The following ARHGAP10 variants were observed in gnomAD, a reference collection of about 807,000 sequenced individuals.
ARHGAP10 encodes the protein rho GTPase-activating protein 10.
Under a neutral mutation model 108.6 loss-of-function variants are expected in ARHGAP10, and 87 were observed. The ratio of observed to expected loss-of-function variants is 0.80; its 90% CI spans 0.67 to 0.96. The LOEUF (loss-of-function observed/expected upper bound fraction) is 0.96. Ranked by LOEUF, ARHGAP10 falls within the 40% of genes least tolerant of loss-of-function variation. The pLI, the probability that ARHGAP10 is intolerant of heterozygous loss-of-function variation, is 0.00. For synonymous variants in ARHGAP10, 347 were observed against 341.1 expected (o/e 1.02, Z -0.19); for missense variants, 939 against 954.5 (o/e 0.98, Z 0.21).
chr4:147,887,876 T>A (rs1277629059), intron 10 of ARHGAP10, among the ~76,000 whole-genome samples: 11 of 145,260 alleles, frequency 7.6e-5, no homozygotes, highest in Middle Eastern at 3.4e-3. Flanking sequence ...AAAAAAAAAA[T>A]TTTTTTTTTC....
intron 1 of ARHGAP10, among the ~76,000 whole-genome samples, chr4:147,822,303 A>T (rs1234084482): frequency 6.6e-6 from 1 of 152,164 alleles, no homozygotes; most frequent in Non-Finnish European, 1.5e-5. Flanking sequence ...TGGGCTTTTG[A>T]GTTCCTTATG....
intron 1 of ARHGAP10, among the ~76,000 whole-genome samples, chr4:147,803,861 A>C (rs750038914): frequency 3.3e-5 from 5 of 151,902 alleles, no homozygotes; most frequent in Non-Finnish European, 7.4e-5. Flanking sequence ...AGTTAATTCT[A>C]TGTTTTGGCT....
At chr4:147,854,728 A>C (rs573217514) in intron 4 of ARHGAP10, 1 of 984,758 alleles carries the variant, frequency 1.0e-6, no homozygotes, top group South Asian at 4.7e-5. Context: ...AATGACATTA[A>C]GAACAAATGC....
chr4:147,823,541 C>T (rs1732590463), intron 3 of ARHGAP10, among the ~76,000 whole-genome samples: 1 of 152,004 alleles, frequency 6.6e-6, no homozygotes, highest in Non-Finnish European at 1.5e-5. Context: ...GTGGATTGCA[C>T]AAGCTCAGGA....
chr4:147,884,036 A>T (rs1735443312), intron 10 of ARHGAP10, among the ~76,000 whole-genome samples: 1 of 152,188 alleles, frequency 6.6e-6, no homozygotes, highest in South Asian at 2.1e-4. Context: ...GTCTCTGCAG[A>T]TTACCATATA....
intron 1 of ARHGAP10, among the ~76,000 whole-genome samples, chr4:147,751,392 C>G (rs1265689774): frequency 6.7e-6 from 1 of 149,754 alleles, no homozygotes; most frequent in Non-Finnish European, 1.5e-5. Flanking sequence ...GAGACAGAGT[C>G]TTGTTCTTCC....
chr4:147,969,324 C>CTTTTT (rs61078731), intron 18 of ARHGAP10, among the ~76,000 whole-genome samples: 3 of 93,872 alleles, frequency 3.2e-5, no homozygotes, highest in Non-Finnish European at 6.4e-5. Flanking sequence ...TTTGTTTTGC[C>CTTTTT]TTTTTTTTTT....
At chr4:147,968,073 G>T (rs1276839406) in intron 18 of ARHGAP10, among the ~76,000 whole-genome samples, 6 of 152,168 alleles carry the variant, frequency 3.9e-5, no homozygotes, top group Non-Finnish European at 8.8e-5. Flanking sequence ...GTTAGAGCTG[G>T]CCCATGGCAG....
chr4:147,997,662 G>T (rs1031946935), intron 18 of ARHGAP10, among the ~76,000 whole-genome samples: 1 of 152,104 alleles, frequency 6.6e-6, no homozygotes, highest in Non-Finnish European at 1.5e-5. Flanking sequence ...TAAAACAACA[G>T]AATTTTTTTT....
intron 3 of ARHGAP10, among the ~76,000 whole-genome samples, chr4:147,837,716 C>A (rs1445374820): frequency 7.4e-6 from 1 of 134,676 alleles, no homozygotes; most frequent in Non-Finnish European, 1.5e-5. Flanking sequence ...ATTAGTGGAA[C>A]CCTAGCTAGG....
At chr4:147,839,148 C>T (rs1173703983) in intron 3 of ARHGAP10, among the ~76,000 whole-genome samples, 2 of 149,914 alleles carry the variant, frequency 1.3e-5, no homozygotes, top group African/African-American at 5.0e-5. Flanking sequence ...ATCTATCTGT[C>T]TGTCTGTCTA....
At chr4:147,791,424 T>C (rs1444605693) in intron 1 of ARHGAP10, among the ~76,000 whole-genome samples, 1 of 151,910 alleles carries the variant, frequency 6.6e-6, no homozygotes, top group African/African-American at 2.4e-5. Flanking sequence ...TTCTGTACTT[T>C]AGGAGGAAAA....
In ARHGAP10 at chr4:148,054,388, G is replaced by A. The variant is rs545207773; in HGVS notation, c.2027+7337G>A. Reference sequence around the variant, plus strand: ...CATCTGCCCCTCTGGGCCGGGGTGAGGTTTCCAGATACCACATGTAATAAA... The same window carrying A: ...CATCTGCCCCTCTGGGCCGGGGTGAAGTTTCCAGATACCACATGTAATAAA... On this transcript the variant is annotated intron_variant, in intron 20 of 22. Transcript: ENST00000336498. 4.6e-5 allele frequency among the ~76,000 whole-genome samples: 7 copies of A among 152,344 alleles called. No individual in the cohort carries two copies. In the East Asian group the frequency reaches 1.3e-3, roughly 29 times the overall value.
chr4:147,841,662 G>A (rs535764794), intron 3 of ARHGAP10, among the ~76,000 whole-genome samples: 1 of 152,234 alleles, frequency 6.6e-6, no homozygotes, highest in African/African-American at 2.4e-5. Flanking sequence ...GGAAATTCTT[G>A]TTGCTCAGTT....
rs188370881 is a variant in ARHGAP10, at chr4:147,754,677, A to G, written c.154+22222A>G. On this transcript the variant is annotated intron_variant, in intron 1 of 22. Coordinates refer to ENST00000336498, the MANE Select transcript of ARHGAP10 (RefSeq NM_024605.4). ...TTTGGGTGAAATTTTACTGTTACACATGTGCATTAGCACTGAATTTGTTTA... is the reference window on the plus strand; with the variant it reads ...TTTGGGTGAAATTTTACTGTTACACGTGTGCATTAGCACTGAATTTGTTTA... Among the ~76,000 whole-genome samples the G allele has an allele frequency of 3.3e-5, 5 of 152,274 alleles. No homozygotes were observed. In the East Asian group the frequency reaches 9.6e-4, roughly 29 times the overall value.
At chr4:147,975,518 A>T (rs1033068975) in intron 18 of ARHGAP10, among the ~76,000 whole-genome samples, 1 of 152,224 alleles carries the variant, frequency 6.6e-6, no homozygotes, top group Non-Finnish European at 1.5e-5. Flanking sequence ...CCCAAGGTTG[A>T]TGAGCTGCAT....
At chr4:147,747,794 GA>G (rs938710916) in intron 1 of ARHGAP10, among the ~76,000 whole-genome samples, 16 of 147,858 alleles carry the variant, frequency 1.1e-4, no homozygotes, top group Middle Eastern at 3.6e-3. Flanking sequence ...TGAAGCAAAA[GA>G]AAAAAAAAAG....
chr4:147,822,698 C>T (rs772418169), intron 1 of ARHGAP10, 29 bp from the exon 2 acceptor site: 6 of 1,598,984 alleles, frequency 3.8e-6, no homozygotes, highest in South Asian at 1.1e-5. Flanking sequence ...AAACAAGAAC[C>T]CAAGTCATCA....
chr4:147,781,616 C>A (rs1730533269), intron 1 of ARHGAP10, among the ~76,000 whole-genome samples: 1 of 151,314 alleles, frequency 6.6e-6, no homozygotes, highest in African/African-American at 2.4e-5. Context: ...CTAAGAATAT[C>A]GTTAATGGCT....
Sources: allele counts gnomAD v4.1 joint callset (sites outside exome capture counted in the v4.1 genomes callset), GRCh38; gene constraint gnomAD v4.1.1; transcripts MANE v1.5; gene names NCBI Gene and HGNC (gene_info 2026-07-23, HGNC 2026-07-21).